INTS1: variants seen among roughly 807,000 people sequenced by gnomAD.
The protein encoded by INTS1 is integrator complex subunit 1.
INTS1 carries 137 observed loss-of-function variants against 241.6 expected under a neutral mutation model. That is an observed-to-expected ratio of 0.57 (90% confidence interval 0.49 to 0.65). INTS1 has a LOEUF of 0.65. INTS1 is among the 30% of genes least tolerant of loss of function. The pLI is 0.00. For synonymous variants in INTS1, 1,692 were observed against 1,337.8 expected (o/e 1.26, Z -5.78); for missense variants, 3,073 against 3,032.2 (o/e 1.01, Z -0.32).
chr7:1,478,021 G>A (rs1781804777), intron 33 of INTS1, 85 bp from the exon 34 acceptor site: 2 of 1,129,402 alleles, frequency 1.8e-6, no homozygotes, highest in Non-Finnish European at 2.6e-6. Flanking sequence ...AGGGTGGGGT[G>A]TGGGGTGAGC....
chr7:1,498,941 C>T (rs1562520544), intron 8 of INTS1, 34 bp downstream of exon 8: 9 of 1,344,088 alleles, frequency 6.7e-6, no homozygotes, highest in Non-Finnish European at 8.1e-6. Flanking sequence ...CCCCCACCCC[C>T]TGCCCCGCCC....
chr7:1,497,016 C>A lies in INTS1; in HGVS notation c.1602+122G>T, dbSNP rs1399786269. ...CACCGCAAACAGCCTCACTCATCCC[C>A]GTACCCACGCTCAGCCAGAGCATCC... On this transcript the variant is annotated intron_variant, in intron 11 of 47. Transcript: ENST00000404767. This position sits in a 1 kb window ranked among gnomAD's most constrained non-coding sequence, Gnocchi z 5.3. The A allele has an allele frequency of 9.8e-7, 1 of 1,024,556 alleles. No homozygotes were observed. Among genetic ancestry groups the A allele is most frequent in the South Asian group, 1.7e-5 (1 of 60,336 alleles). 63.5% of individuals were successfully genotyped at this position (1,024,556 alleles called of 1,614,324 possible). A position where few individuals can be genotyped will look rare whatever the true frequency, so the allele number is the denominator to read the frequency against.
In INTS1 at chr7:1,476,418, G is replaced by A. The variant is rs758106722; in HGVS notation, c.5189C>T (p.Pro1730Leu). 48 of 1,571,878 alleles carry A rather than the reference G, an allele frequency of 3.1e-5. No homozygotes were observed. Among genetic ancestry groups the A allele is most frequent in the Non-Finnish European group, 3.6e-5 (42 of 1,164,588 alleles). The change falls in exon 38 of 48, where the codon CCG becomes CTG. Residue 1730 changes from proline to leucine, a missense_variant. Physicochemically the swap from Pro to Leu is moderately conservative, Grantham distance 98. Transcript: ENST00000404767. ...CAGCTCCACCAGGCTGATGAGCTCC[G>A]GGCCCTGGACCCGCAGCACCAGCTC... The part of the protein sequence containing the change: ...REELVLRVQG[P>L]ELISLVELIL...
intron 40 of INTS1, 121 bp from the exon 41 acceptor site, chr7:1,474,481 C>T: frequency 8.3e-7 from 1 of 1,198,882 alleles, no homozygotes; most frequent in Non-Finnish European, 1.1e-6. Context: ...AACCACCCTC[C>T]TGCCCTAAGG....
Position 1,479,617 on chromosome 7 carries a change from T to C in INTS1, c.4142A>G (p.Gln1381Arg). The change falls in exon 31 of 48, where the codon CAG becomes CGG. Residue 1381 changes from glutamine to arginine, a missense_variant. By Grantham distance (43) the Gln-to-Arg change is conservative (BLOSUM62 1). Transcript: ENST00000404767. ...SSPRPVALALQQALGQELARV... is the reference protein window; with the variant it reads ...SSPRPVALALRQALGQELARV... ...GGCCAGCTCCTGGCCCAGGGCCTGCTGCAGGGCGAGGGCCACGGGGCGGGG... is the reference window on the plus strand; with the variant it reads ...GGCCAGCTCCTGGCCCAGGGCCTGCCGCAGGGCGAGGGCCACGGGGCGGGG... The C allele has an allele frequency of 6.5e-7, 1 of 1,529,078 alleles. No homozygotes were observed. Among genetic ancestry groups the C allele is most frequent in the Non-Finnish European group, 8.8e-7 (1 of 1,135,254 alleles). The allele number at this position is 1,529,078 out of a possible 1,614,324, so 94.7% of individuals were successfully genotyped here.
Position 1,475,140 on chromosome 7 carries a change from C to CT in INTS1, c.5503-303dup, listed in dbSNP as rs1781649836. On this transcript the variant is annotated intron_variant, in intron 39 of 47. Transcript: ENST00000404767. Reference sequence around the variant, plus strand: ...GGCTCACGCCTGCCATCCCAGCACTCTGTGAGGCCGCGGCAGAAGATCACC... The same window carrying CT: ...GGCTCACGCCTGCCATCCCAGCACTCTTGTGAGGCCGCGGCAGAAGATCACC... 5.3e-5 allele frequency among the ~76,000 whole-genome samples: 8 copies of CT among 152,240 alleles called. No individual in the cohort carries two copies. The South Asian group carries it at 1.7e-3, about 31-fold the overall frequency.
rs1783322875 is a variant in INTS1 at position 1,503,824 on chromosome 7, T to A, written c.58+79A>T. ...CGGAACAACCAAGCCCAACGCAGGA[T>A]CCGCGGCAGCTGAGATCCCCAAAGA... On this transcript the variant is annotated intron_variant, in intron 2 of 47. Transcript: ENST00000404767. The A allele has an allele frequency of 4.1e-6, 4 of 967,202 alleles. No individual in the cohort carries two copies. In the South Asian group the frequency reaches 4.7e-5, roughly 11 times the overall value. The allele number at this position is 967,202 out of a possible 1,614,324, so 59.9% of individuals were successfully genotyped here. A position where few individuals can be genotyped will look rare whatever the true frequency, so the allele number is the denominator to read the frequency against.
chr7:1,494,503 G>T, intron 14 of INTS1: 1 of 470,514 alleles, frequency 2.1e-6, no homozygotes, highest in South Asian at 2.0e-5. Context: ...CGGTGCATCT[G>T]AGACTGCGTG....
intron 14 of INTS1, chr7:1,494,354 G>A (rs1782741569): frequency 4.0e-6 from 1 of 251,874 alleles, no homozygotes; most frequent in South Asian, 5.6e-5. Flanking sequence ...GAACTGGCAG[G>A]AGCCCCAGGC....
intron 23 of INTS1, 37 bp downstream of exon 23, chr7:1,485,253 C>G (rs1382928007): frequency 2.5e-6 from 4 of 1,597,154 alleles, no homozygotes; most frequent in Non-Finnish European, 2.6e-6. Context: ...GCGGCCCTCT[C>G]ATCTTTCCCT....
In INTS1 at chr7:1,478,464, C is replaced by T. The variant is rs541004475; in HGVS notation, c.4532G>A (p.Arg1511His). The T allele has an allele frequency of 1.4e-5, 23 of 1,612,188 alleles. No homozygotes were observed. Among genetic ancestry groups the T allele is most frequent in the East Asian group, 1.1e-4 (5 of 44,890 alleles). The change falls in exon 33 of 48, where the codon CGT (arginine) becomes CAT (histidine). Residue 1511 changes from arginine to histidine, a missense_variant. By Grantham distance (29) the Arg-to-His change is conservative. Transcript: ENST00000404767. ...GGAGCTGACCACCTCCAGGTCCTGACGGAAGGCCAGGGCCTCGGCCAGGCG... is the reference window on the plus strand; with the variant it reads ...GGAGCTGACCACCTCCAGGTCCTGATGGAAGGCCAGGGCCTCGGCCAGGCG... ...LLRLAEALAF[R>H]QDLEVVSSTV...
chr7:1,470,343 C>A lies in INTS1; in HGVS notation c.*234G>T. On this transcript the variant is annotated 3_prime_UTR_variant, in exon 48 of 48. Transcript: ENST00000404767. ...CCCGGGGGGATCCGCCGCTCCGCGG[C>A]AGGGCTGTGGCCCAGAAGGTGAATG... The A allele has an allele frequency of 2.1e-6, 1 of 483,222 alleles. No individual in the cohort carries two copies. Among genetic ancestry groups the A allele is most frequent in the East Asian group, 3.4e-5 (1 of 29,014 alleles). The allele number at this position is 483,222 out of a possible 1,614,324, so 29.9% of individuals were successfully genotyped here. A position where few individuals can be genotyped will look rare whatever the true frequency, so the allele number is the denominator to read the frequency against.
chr7:1,498,648 A>AC (rs1339471389), intron 9 of INTS1, 59 bp downstream of exon 9: 14 of 605,314 alleles, frequency 2.3e-5, no homozygotes, highest in South Asian at 2.8e-5. Context: ...CTCCGCCCAC[A>AC]CCCCCACCCA....
intron 45 of INTS1, 96 bp downstream of exon 45, chr7:1,471,475 G>T: frequency 1.5e-6 from 2 of 1,361,194 alleles, no homozygotes; most frequent in Non-Finnish European, 1.0e-6. Context: ...ACTCCCTGGG[G>T]CTCAGCGCGG....
At chr7:1,502,812 G>A in intron 3 of INTS1, 89 bp downstream of exon 3, 1 of 1,421,712 alleles carries the variant, frequency 7.0e-7, no homozygotes, top group Admixed American at 1.8e-5. Context: ...CATACGGGCA[G>A]CACTAGGCCT....
Position 1,487,087 on chromosome 7 carries a change from G to A in INTS1, c.2661C>T (p.Ser887=). The A allele has an allele frequency of 6.5e-7, 1 of 1,549,420 alleles. No homozygotes were observed. The highest frequency in any genetic ancestry group is 8.7e-7 in the Non-Finnish European group (1 of 1,151,362). Reference sequence around the variant, plus strand: ...GTACCAGGTCCGCCAGCCAGGGCATGGACTGCGAGGAGGCCTGGGCAGGCG... The same window carrying A: ...GTACCAGGTCCGCCAGCCAGGGCATAGACTGCGAGGAGGCCTGGGCAGGCG... ...HIIQRQASSQ[S]MPWLADLVQS... Residue 887 remains serine (S), a synonymous_variant, in exon 21 of 48, where the codon TCC becomes TCT. Coordinates refer to ENST00000404767, the MANE Select transcript of INTS1 (RefSeq NM_001080453.3).
chr7:1,485,064 A>C lies in INTS1; in HGVS notation c.3261+34T>G, dbSNP rs550068065. On this transcript the variant is annotated intron_variant, in intron 24 of 47. Transcript: ENST00000404767. Reference sequence around the variant, plus strand: ...TGCCGGCTGGCCCCGTCCCCTCCCCAGGGCCACACTGCTGGCTGACCCTGC... The same window carrying C: ...TGCCGGCTGGCCCCGTCCCCTCCCCCGGGCCACACTGCTGGCTGACCCTGC... 2.7e-5 allele frequency: 35 copies of C among 1,302,906 alleles called. No homozygotes were observed. In the African/African-American group the frequency reaches 4.3e-4, roughly 16 times the overall value. 80.7% of individuals were successfully genotyped at this position (1,302,906 alleles called of 1,614,324 possible).
chr7:1,473,310 G>A, intron 42 of INTS1, 126 bp from the exon 43 acceptor site: 1 of 702,616 alleles, frequency 1.4e-6, no homozygotes, highest in Admixed American at 2.5e-5. Flanking sequence ...AGGACGCTCA[G>A]AGGGAGGGCC....
rs201767393 is a variant in INTS1 at position 1,474,299 on chromosome 7, G to T, written c.5698C>A (p.Arg1900=). ...GRTHLNFQEF[R]QQNHLSCFLH... ...AAGCAGCTCAGGTGGTTCTGCTGCCGGAACTCCTGGAAGTTGAGGTGGGTG... is the reference window on the plus strand; with the variant it reads ...AAGCAGCTCAGGTGGTTCTGCTGCCTGAACTCCTGGAAGTTGAGGTGGGTG... Residue 1900 remains arginine (R), a synonymous_variant, in exon 41 of 48, where the codon CGG becomes AGG. Transcript: ENST00000404767. The T allele has an allele frequency of 7.5e-6, 12 of 1,608,530 alleles. No individual in the cohort carries two copies. In the African/African-American group the frequency reaches 1.1e-4, roughly 14 times the overall value.
Sources: gnomAD v4.1 joint callset for allele counts (sites outside exome capture counted in the v4.1 genomes callset) on GRCh38, gnomAD v4.1.1 for gene constraint, Gnocchi (gnomAD v3.1) non-coding constraint, MANE v1.5 for transcripts, NCBI Gene and HGNC (gene_info 2026-07-23, HGNC 2026-07-21) for gene names.